MYH7B: variants seen among roughly 807,000 people sequenced by gnomAD.
MYH7B encodes the protein myosin heavy chain 7B, also known as myosin-7B.
In MYH7B, 205 loss-of-function variants were observed where a neutral mutation model predicts 234.5. That is an observed-to-expected ratio of 0.87 (90% confidence interval 0.78 to 0.98). The LOEUF (loss-of-function observed/expected upper bound fraction) is 0.98. Among genes scored for constraint, MYH7B ranks in the 50% least tolerant of loss-of-function variants. MYH7B has a pLI of 0.00. For missense variants in MYH7B, 2,652 were observed against 2,633.4 expected (o/e 1.01, Z -0.15); for synonymous variants, 1,193 against 1,105.0 (o/e 1.08, Z -1.58).
At position 34,979,502 on chromosome 20, in the gene MYH7B, G is replaced by C. The variant is rs777021250; in HGVS notation, c.198+6G>C. ...TGGAGACCAAAGACCAGAAGGTTCC[G>C]TTCCCCCTTTCCTGAGATTAGCCTC... On this transcript the variant is annotated splice_donor_region_variant and intron_variant, in intron 6 of 44. Coordinates refer to ENST00000262873, the Ensembl canonical transcript of MYH7B. The C allele has an allele frequency of 1.1e-5, 17 of 1,609,808 alleles. No homozygotes were observed. The highest frequency in any genetic ancestry group is 3.4e-5 in the Admixed American group (2 of 59,692).
At chr20:34,960,456 C>T (rs1253324918) in intron 2 of MYH7B, among the ~76,000 whole-genome samples, 11 of 152,266 alleles carry the variant, frequency 7.2e-5, no homozygotes, top group East Asian at 3.9e-4. Flanking sequence ...AGGATGGTCT[C>T]GATCTCCTGA....
Position 35,000,589 on chromosome 20 carries a change from A to G in MYH7B, c.5078A>G (p.Glu1693Gly). 1 of 1,569,002 alleles carries G rather than the reference A, an allele frequency of 6.4e-7. No homozygotes were observed. ...GCCTCGCTGCTGGCTGCGGAGCTGG[A>G]GGAGCTGCGGGCTGCCCTGGAGCAG... Residue 1693 changes from glutamate (E) to glycine (G), a missense_variant, in exon 39 of 45, where the codon GAG becomes GGG. This residue lies in a region of MYH7B where 2,279 missense variants were observed against 2,211.4 expected (regional missense o/e 1.03). Transcript: ENST00000262873.
In MYH7B at chr20:35,001,740, C is replaced by CT; in HGVS notation, c.5677-207dup. 4.4e-6 allele frequency: 4 copies of CT among 913,042 alleles called. No individual in the cohort carries two copies. In the South Asian group the frequency reaches 6.9e-5, roughly 16 times the overall value. The allele number at this position is 913,042 out of a possible 1,614,324, so 56.6% of individuals were successfully genotyped here. On this transcript the variant is annotated intron_variant, in intron 43 of 44. Coordinates refer to ENST00000262873, the Ensembl canonical transcript of MYH7B. ...CCCCTGGCCAAGGCTGGGGCTGCCT[C>CT]TGAGGGGTGGGGCAGGCACAAAAAG...
At chr20:34,958,715 C>T (rs1389588044) in intron 2 of MYH7B, among the ~76,000 whole-genome samples, 6 of 152,256 alleles carry the variant, frequency 3.9e-5, no homozygotes, top group Non-Finnish European at 8.8e-5. Context: ...CCGTCCGCCT[C>T]TGCCTCTCAA....
chr20:34,994,373 A>C (rs753157881), exon 27 of MYH7B: 18 of 1,593,968 alleles, frequency 1.1e-5, no homozygotes, highest in African/African-American at 2.7e-5. Context: ...ACCCAGGAGA[A>C]GAATGACCTG....
intron 2 of MYH7B, among the ~76,000 whole-genome samples, chr20:34,959,625 A>G (rs1394771715): frequency 6.6e-6 from 1 of 151,684 alleles, no homozygotes; most frequent in Non-Finnish European, 1.5e-5. Context: ...TTACAGGCAC[A>G]TGCCACCATG....
intron 2 of MYH7B, among the ~76,000 whole-genome samples, chr20:34,962,742 C>A (rs1252866177): frequency 6.6e-6 from 1 of 152,194 alleles, no homozygotes; most frequent in Non-Finnish European, 1.5e-5. Context: ...ATCCTCCTGT[C>A]TCAGCTTCCC....
chr20:34,998,965 G>A (rs943412726), intron 35 of MYH7B, 50 bp downstream of exon 35: 1 of 1,590,252 alleles, frequency 6.3e-7, no homozygotes, highest in Non-Finnish European at 8.6e-7. Context: ...TTATGCCTGT[G>A]CCTGAGCCCC....
chr20:35,000,531 C>T (rs748433235), exon 39 of MYH7B: 1 of 1,590,962 alleles, frequency 6.3e-7, no homozygotes, highest in Non-Finnish European at 8.5e-7. Context: ...GGCAGCTGAG[C>T]TCCACGAGCA....
chr20:34,973,786 C>CT (rs564899340), intron 2 of MYH7B, among the ~76,000 whole-genome samples: 1 of 152,190 alleles, frequency 6.6e-6, no homozygotes. Context: ...GAGAGGGAGT[C>CT]TTGCTCTGTT....
intron 2 of MYH7B, among the ~76,000 whole-genome samples, chr20:34,975,121 A>G (rs1274191894): frequency 6.6e-6 from 1 of 152,242 alleles, no homozygotes; most frequent in Non-Finnish European, 1.5e-5. Context: ...AATAAAAATA[A>G]AAAAGAAGTC....
chr20:34,984,913 C>G (rs1285932876), exon 12 of MYH7B: 1 of 1,614,086 alleles, frequency 6.2e-7, no homozygotes, highest in East Asian at 2.2e-5. Flanking sequence ...TTGGCAACGC[C>G]AAGACCCTGA....
At chr20:34,983,217 T>G (rs896057546) in intron 10 of MYH7B, among the ~76,000 whole-genome samples, 3 of 152,140 alleles carry the variant, frequency 2.0e-5, no homozygotes, top group African/African-American at 7.2e-5. Context: ...CTTGCTTTAT[T>G]CTGGGTGTTT....
At chr20:34,998,997 C>A in intron 35 of MYH7B, 59 bp from the exon 36 acceptor site, 1 of 1,579,450 alleles carries the variant, frequency 6.3e-7, no homozygotes, top group Non-Finnish European at 8.6e-7. Flanking sequence ...GTGAAGGGAG[C>A]TGCTGGGGCT....
At chr20:34,982,460 G>A (rs760931526) in exon 10 of MYH7B, 26 of 1,613,900 alleles carry the variant, frequency 1.6e-5, no homozygotes, top group South Asian at 9.9e-5. Flanking sequence ...TCGTCCAAGC[G>A]GAGAGTCGGG....
chr20:34,987,072 T>C (rs1569043077), intron 15 of MYH7B, 77 bp from the exon 16 acceptor site: 2 of 1,609,028 alleles, frequency 1.2e-6, no homozygotes, highest in Non-Finnish European at 1.7e-6. Flanking sequence ...GCTGCATGAA[T>C]GGTCCCGGGG....
rs776382910 is a variant in MYH7B at position 35,000,683 on chromosome 20, TTCGCA to T, written c.5173_5177del (p.Ser1725GlufsTer33). The T allele has an allele frequency of 6.3e-7, 1 of 1,593,836 alleles. No individual in the cohort carries two copies. Among genetic ancestry groups the T allele is most frequent in the Non-Finnish European group, 8.5e-7 (1 of 1,171,058 alleles). ...CCACCGAGCGCCTCAACCTTCTGCA[TTCGCA>T]GGTGGGGACAGGAGTCCCTGGGGAC... is the stretch of plus-strand genomic sequence containing the variant. On this transcript the variant is annotated frameshift_variant and splice_region_variant, in exon 39 of 45. Transcript: ENST00000262873. LOFTEE classifies it high-confidence loss of function.
exon 37 of MYH7B, chr20:34,999,695 G>C (rs1403106014): frequency 3.7e-6 from 6 of 1,613,150 alleles, no homozygotes; most frequent in Non-Finnish European, 8.5e-7. Context: ...AGGAGGCAGA[G>C]GTCAGGGGCT....
rs376178898 is a variant in MYH7B at position 34,984,840 on chromosome 20, C to T, written c.649-14C>T. On this transcript the variant is annotated splice_polypyrimidine_tract_variant and intron_variant, in intron 11 of 44. Coordinates refer to ENST00000262873, the Ensembl canonical transcript of MYH7B. ...CACCAGAACTGACAGACCCCCTCAC[C>T]CCCACCGCCCCAGGGCACCCTTGAG... is the stretch of plus-strand genomic sequence containing the variant. The T allele has an allele frequency of 1.7e-5, 27 of 1,611,232 alleles. No individual in the cohort carries two copies. The highest frequency in any genetic ancestry group is 2.1e-5 in the Non-Finnish European group (25 of 1,177,608).
Sources: allele counts gnomAD v4.1 joint callset (sites outside exome capture counted in the v4.1 genomes callset), GRCh38; gene constraint gnomAD v4.1.1; regional missense constraint gnomAD v4.1.1; transcripts MANE v1.5; gene names NCBI Gene and HGNC (gene_info 2026-07-23, HGNC 2026-07-21).